SLC11A1: variants seen among roughly 807,000 people sequenced by gnomAD.
SLC11A1 encodes solute carrier family 11 member 1.
In SLC11A1, 59 loss-of-function variants were observed where a neutral mutation model predicts 63.2. The ratio of observed to expected loss-of-function variants is 0.93; its 90% CI spans 0.76 to 1.16. The LOEUF (loss-of-function observed/expected upper bound fraction) is 1.16, where lower values mean the gene tolerates loss of function less well. Among genes scored for constraint, SLC11A1 ranks in the 50% most tolerant of loss-of-function variants. The pLI, the probability that SLC11A1 is intolerant of heterozygous loss-of-function variation, is 0.00. For missense variants in SLC11A1, 688 were observed against 730.7 expected, an observed-to-expected ratio of 0.94 and a Z score of 0.67; for synonymous variants, 305 against 307.8, an observed-to-expected ratio of 0.99 and a Z score of 0.09.
chr2:218,382,882 G>A (rs1695876217), intron 1 of SLC11A1, 78 bp from the exon 2 acceptor site: 2 of 1,582,468 alleles, frequency 1.3e-6, no homozygotes, highest in African/African-American at 1.4e-5. Context: ...GGGAGGAGGA[G>A]GGAAAGGATC....
intron 12 of SLC11A1, 96 bp downstream of exon 12, chr2:218,393,226 C>CA: frequency 1.6e-6 from 2 of 1,250,160 alleles, no homozygotes; most frequent in Non-Finnish European, 2.1e-6. Context: ...CTGCCAGGCC[C>CA]TGTCCCAGGC....
rs1695941692 is a variant in SLC11A1, at chr2:218,384,047, CTG to C, written c.151-193_151-192del. On this transcript the variant is annotated intron_variant, in intron 2 of 14. Coordinates refer to ENST00000233202, the MANE Select transcript of SLC11A1 (RefSeq NM_000578.4). This position sits in a 1 kb window ranked among gnomAD's most constrained non-coding sequence, Gnocchi z 4.0. The stretch of plus-strand genomic sequence containing the variant: ...CTTAACAGATCCAGAAAAAGATCCT[CTG>C]TGACTCATCAGAGCATGCTGCTTCC... 1 of 441,994 alleles carries C rather than the reference CTG, an allele frequency of 2.3e-6. No homozygotes were observed. Among genetic ancestry groups the C allele is most frequent in the Non-Finnish European group, 4.0e-6 (1 of 252,998 alleles). The allele number at this position is 441,994 out of a possible 1,614,324, so 27.4% of individuals were successfully genotyped here.
At position 218,392,252 on chromosome 2, in the gene SLC11A1, C is replaced by T. The variant is rs576486912; in HGVS notation, c.1165-729C>T. 2.5e-4 allele frequency: 60 copies of T among 240,858 alleles called. No homozygotes were observed. The Middle Eastern group carries it at 5.5e-3, about 22-fold the overall frequency. The allele number at this position is 240,858 out of a possible 1,614,324, so 14.9% of individuals were successfully genotyped here. A position where few individuals can be genotyped will look rare whatever the true frequency, so the allele number is the denominator to read the frequency against. On this transcript the variant is annotated intron_variant, in intron 11 of 14. Transcript: ENST00000233202. ...GCTAATTTTGTATTTTCAGTAAAGA[C>T]GGGGTTTCTCCATGTTGGTCAGGGT...
chr2:218,391,015 G>A (rs1053644340), intron 9 of SLC11A1, among the ~76,000 whole-genome samples, 183 bp from the exon 10 acceptor site: 3 of 152,158 alleles, frequency 2.0e-5, no homozygotes, highest in Admixed American at 6.5e-5. Context: ...GACCCCCATC[G>A]CTACAAAACG....
rs894784842 is a variant in SLC11A1 at position 218,384,540 on chromosome 2, G to T, written c.273+175G>T. The T allele has an allele frequency of 2.3e-5, 11 of 468,236 alleles. No homozygotes were observed. Among genetic ancestry groups the T allele is most frequent in the Middle Eastern group, 5.5e-4 (1 of 1,804 alleles). 29.0% of individuals were successfully genotyped at this position (468,236 alleles called of 1,614,324 possible). A position where few individuals can be genotyped will look rare whatever the true frequency, so the allele number is the denominator to read the frequency against. On this transcript the variant is annotated intron_variant, in intron 3 of 14. Coordinates refer to ENST00000233202, the MANE Select transcript of SLC11A1 (RefSeq NM_000578.4). This position sits in a 1 kb window ranked among gnomAD's most constrained non-coding sequence, Gnocchi z 4.0. ...CTGCCAGAAGGTGGGGCATTTGTGT[G>T]GGGGGTAGGGGACTGGACTCCTCTC...
intron 4 of SLC11A1, 22 bp downstream of exon 4, chr2:218,385,288 A>G: frequency 6.2e-7 from 1 of 1,613,600 alleles, no homozygotes; most frequent in Non-Finnish European, 8.5e-7. Flanking sequence ...GGGCCTGGAC[A>G]GGGAGAACCA....
intron 6 of SLC11A1, 92 bp downstream of exon 6, chr2:218,387,322 C>A: frequency 8.1e-7 from 1 of 1,229,388 alleles, no homozygotes; most frequent in Non-Finnish European, 1.2e-6. Context: ...TGGGAGCGCA[C>A]CTGAGCTCCC....
chr2:218,393,450 G>A (rs1696572781), intron 12 of SLC11A1, among the ~76,000 whole-genome samples: 1 of 150,390 alleles, frequency 6.6e-6, no homozygotes, highest in Non-Finnish European at 1.5e-5. Flanking sequence ...AGGGACTATA[G>A]GTGCATGCCA....
rs747168117 is a variant in SLC11A1, at chr2:218,391,405, C to T, written c.1074C>T (p.Pro358=). ...GGVILGCLFG[P]AALYIWAIGL... Reference sequence around the variant, plus strand: ...TGATCCTGGGCTGCCTGTTCGGCCCCGCGGCCCTCTACATCTGGGCCATAG... The same window carrying T: ...TGATCCTGGGCTGCCTGTTCGGCCCTGCGGCCCTCTACATCTGGGCCATAG... Residue 358 remains proline, a synonymous_variant, in exon 11 of 15, where the codon CCC becomes CCT. Coordinates refer to ENST00000233202, the MANE Select transcript of SLC11A1 (RefSeq NM_000578.4). 31 of 1,613,860 alleles carry T rather than the reference C, an allele frequency of 1.9e-5. No individual in the cohort carries two copies. Among genetic ancestry groups the T allele is most frequent in the Non-Finnish European group, 2.4e-5 (28 of 1,179,948 alleles).
Position 218,385,174 on chromosome 2 carries a change from G to A in SLC11A1, c.301G>A (p.Val101Met), listed in dbSNP as rs900584867. 4.3e-6 allele frequency: 7 copies of A among 1,613,836 alleles called. No homozygotes were observed. The Admixed American group carries it at 5.0e-5, about 12-fold the overall frequency. ...KLLWVLLWAT[V>M]LGLLCQRLAA... ...TCTCTGGGTGCTGCTCTGGGCCACCGTGTTGGGCTTGCTCTGCCAGCGACT... is the reference window on the plus strand; with the variant it reads ...TCTCTGGGTGCTGCTCTGGGCCACCATGTTGGGCTTGCTCTGCCAGCGACT... The change falls in exon 4 of 15, where the codon GTG becomes ATG. Residue 101 changes from valine (V) to methionine (M), a missense_variant. By Grantham distance (21) the Val-to-Met change is conservative. Transcript: ENST00000233202.
Position 218,394,616 on chromosome 2 carries a change from C to T in SLC11A1, c.1389-16C>T, listed in dbSNP as rs756691460. On this transcript the variant is annotated splice_polypyrimidine_tract_variant and intron_variant, in intron 13 of 14. Transcript: ENST00000233202. ...GCAGCAACCAGCCAGTCCTGAGCCT[C>T]TCTCGTGTCCCCCAGGCTGAACAAG... 5 of 1,612,506 alleles carry T rather than the reference C, an allele frequency of 3.1e-6. No homozygotes were observed. In the South Asian group the frequency reaches 5.5e-5, roughly 18 times the overall value.
chr2:218,387,977 G>C, intron 8 of SLC11A1, 22 bp downstream of exon 8: 2 of 1,578,086 alleles, frequency 1.3e-6, no homozygotes, highest in South Asian at 2.3e-5. Context: ...GGAGGGGAAA[G>C]GAGACCCCCT....
chr2:218,393,312 T>TC (rs1233000953), intron 12 of SLC11A1, among the ~76,000 whole-genome samples, 182 bp downstream of exon 12: 8 of 148,726 alleles, frequency 5.4e-5, no homozygotes, highest in South Asian at 2.1e-4. Flanking sequence ...CCATTATCCT[T>TC]CCCCCCTCCC....
chr2:218,394,337 A>C (rs1696631553), intron 13 of SLC11A1, 144 bp downstream of exon 13: 1 of 852,718 alleles, frequency 1.2e-6, no homozygotes, highest in Non-Finnish European at 1.8e-6. Context: ...CCAGGTTCAC[A>C]CAGCTAGCAA....
rs763011681 is a variant in SLC11A1, at chr2:218,382,996, A to G, written c.44A>G (p.Tyr15Cys). 3 of 1,613,934 alleles carry G rather than the reference A, an allele frequency of 1.9e-6. No homozygotes were observed. The highest frequency in any genetic ancestry group is 2.5e-6 in the Non-Finnish European group (3 of 1,179,998). The change falls in exon 2 of 15, where the codon TAT becomes TGT. Residue 15 changes from tyrosine (Y) to cysteine (C), a missense_variant. By Grantham distance (194) the Tyr-to-Cys change is radical. Transcript: ENST00000233202. The stretch of plus-strand genomic sequence containing the variant: ...CCCCAAAGGCTAAGCGGGTCCAGCT[A>G]TGGTTCCATCTCCAGCCCGACCAGC... ...KGPQRLSGSS[Y>C]GSISSPTSPT...
At chr2:218,390,365 G>A (rs1160558254) in intron 9 of SLC11A1, among the ~76,000 whole-genome samples, 1 of 151,900 alleles carries the variant, frequency 6.6e-6, no homozygotes, top group Non-Finnish European at 1.5e-5. Context: ...GGGTATGGGG[G>A]TGGGGTCTGC....
chr2:218,386,708 C>T lies in SLC11A1; in HGVS notation c.467C>T (p.Thr156Met), dbSNP rs143294002. Residue 156 changes from threonine (T) to methionine (M), a missense_variant, in exon 5 of 15, where the codon ACG becomes ATG. By Grantham distance (81) the Thr-to-Met change is moderately conservative. Coordinates refer to ENST00000233202, the MANE Select transcript of SLC11A1 (RefSeq NM_000578.4). ...VGSDMQEVIG[T>M]AIAFNLLSAG... is the part of the protein sequence containing the mutation. ...TCCGACATGCAGGAAGTCATCGGCA[C>T]GGCCATTGCATTCAATCTGCTCTCA... The T allele has an allele frequency of 3.1e-6, 5 of 1,614,120 alleles. No homozygotes were observed. Among genetic ancestry groups the T allele is most frequent in the East Asian group, 2.2e-5 (1 of 44,876 alleles).
Position 218,394,925 on chromosome 2 carries a change from G to A in SLC11A1, c.1543G>A (p.Val515Ile). Reference sequence around the variant, plus strand: ...CAATTCATGGTTGCCCCTCCCCCAGGTCTGGACCTGTTGCCTTGCCCACGG... The same window carrying A: ...CAATTCATGGTTGCCCCTCCCCCAGATCTGGACCTGTTGCCTTGCCCACGG... The part of the protein sequence containing the change: ...AAYLGLSTYL[V>I]WTCCLAHGAT... The change falls in exon 15 of 15, where the codon GTC (valine) becomes ATC (isoleucine). Residue 515 changes from valine to isoleucine, a missense_variant and splice_region_variant. Coordinates refer to ENST00000233202, the MANE Select transcript of SLC11A1 (RefSeq NM_000578.4). 6.2e-7 allele frequency: 1 copy of A among 1,612,452 alleles called. No homozygotes were observed. Among genetic ancestry groups the A allele is most frequent in the Non-Finnish European group, 8.5e-7 (1 of 1,179,364 alleles).
In SLC11A1 at chr2:218,384,102, G is replaced by T; in HGVS notation, c.151-141G>T. The T allele has an allele frequency of 1.2e-6, 1 of 801,514 alleles. No individual in the cohort carries two copies. Among genetic ancestry groups the T allele is most frequent in the Non-Finnish European group, 1.8e-6 (1 of 544,466 alleles). The allele number at this position is 801,514 out of a possible 1,614,324, so 49.7% of individuals were successfully genotyped here. A position where few individuals can be genotyped will look rare whatever the true frequency, so the allele number is the denominator to read the frequency against. ...CACCCATGCCCTCCCCATCCCTTGG[G>T]TGGCAGACCCAGGAATGGGCCATGG... is the stretch of plus-strand genomic sequence containing the variant. On this transcript the variant is annotated intron_variant, in intron 2 of 14. Coordinates refer to ENST00000233202, the MANE Select transcript of SLC11A1 (RefSeq NM_000578.4). This position sits in a 1 kb window ranked among gnomAD's most constrained non-coding sequence, Gnocchi z 4.0.
Sources: allele counts gnomAD v4.1 joint callset (sites outside exome capture counted in the v4.1 genomes callset), GRCh38; gene constraint gnomAD v4.1.1; non-coding constraint Gnocchi (gnomAD v3.1); transcripts MANE v1.5; gene names NCBI Gene and HGNC (gene_info 2026-07-23, HGNC 2026-07-21).